The following NEDD4L variants were observed in gnomAD, a reference collection of about 807,000 sequenced individuals.
NEDD4L encodes the protein NEDD4 like E3 ubiquitin protein ligase.
Under a neutral mutation model 148.9 loss-of-function variants are expected in NEDD4L, and 54 were observed. That is an observed-to-expected ratio of 0.36 (90% confidence interval 0.29 to 0.45). The LOEUF (loss-of-function observed/expected upper bound fraction) is 0.45. NEDD4L is among the 20% of genes least tolerant of loss of function. The pLI, the probability that NEDD4L is intolerant of heterozygous loss-of-function variation, is 1.00. For synonymous variants in NEDD4L, 433 were observed against 440.7 expected (o/e 0.98, Z 0.22); for missense variants, 856 against 1,233.8 (o/e 0.69, Z 4.59).
intron 2 of NEDD4L, among the ~76,000 whole-genome samples, chr18:58,188,091 C>G (rs942767725): frequency 7.9e-5 from 12 of 152,166 alleles, no homozygotes; most frequent in African/African-American, 2.9e-4. Context: ...AGCAAAGAGT[C>G]CTTCCAAGGG....
At chr18:58,152,798 G>A (rs2034945764) in intron 1 of NEDD4L, among the ~76,000 whole-genome samples, 1 of 152,150 alleles carries the variant, frequency 6.6e-6, no homozygotes, top group Non-Finnish European at 1.5e-5. Context: ...CCAAAAAATT[G>A]GTACTCTGGG....
chr18:58,286,595 G>A (rs1245794969), intron 5 of NEDD4L, among the ~76,000 whole-genome samples: 1 of 152,134 alleles, frequency 6.6e-6, no homozygotes, highest in African/African-American at 2.4e-5. Flanking sequence ...GCCCTTACCA[G>A]TAAAAAAACT....
At chr18:58,093,928 T>C (rs934283766) in intron 1 of NEDD4L, among the ~76,000 whole-genome samples, 1 of 152,136 alleles carries the variant, frequency 6.6e-6, no homozygotes, top group East Asian at 1.9e-4. Context: ...AGACATGCAG[T>C]CCCAGCTCCA....
At chr18:58,136,258 A>G (rs1328941423) in intron 1 of NEDD4L, among the ~76,000 whole-genome samples, 1 of 152,214 alleles carries the variant, frequency 6.6e-6, no homozygotes, top group Non-Finnish European at 1.5e-5. Flanking sequence ...TGAGCCGAGA[A>G]AGTGGAGTTT....
chr18:58,322,535 TAGG>T, intron 7 of NEDD4L, 49 bp downstream of exon 7: 4 of 1,243,526 alleles, frequency 3.2e-6, no homozygotes, highest in East Asian at 2.6e-5. Context: ...CTGCATGCTG[TAGG>T]TATAGGTGGG....
chr18:58,166,636 C>T (rs1195407978), intron 2 of NEDD4L, among the ~76,000 whole-genome samples: 2 of 152,204 alleles, frequency 1.3e-5, no homozygotes, highest in African/African-American at 2.4e-5. Context: ...TTAAACTACC[C>T]GTGCAGGTCA....
chr18:58,255,314 TTA>T, intron 5 of NEDD4L: 4 of 184,976 alleles, frequency 2.2e-5, no homozygotes, highest in Non-Finnish European at 3.8e-5. Context: ...CTCTTGCTGT[TTA>T]AAAAAAAAAA....
intron 1 of NEDD4L, among the ~76,000 whole-genome samples, chr18:58,090,028 C>T (rs987930000): frequency 3.3e-5 from 5 of 151,942 alleles, no homozygotes; most frequent in East Asian, 1.9e-4. Context: ...TTAGTAGAGA[C>T]GGGGTTTCAC....
intron 25 of NEDD4L, among the ~76,000 whole-genome samples, chr18:58,384,257 G>C (rs1374695925): frequency 6.6e-6 from 1 of 152,228 alleles, no homozygotes; most frequent in Non-Finnish European, 1.5e-5. Flanking sequence ...AACGGAGCGT[G>C]TTAGAGTCTC....
intron 24 of NEDD4L, among the ~76,000 whole-genome samples, chr18:58,376,577 G>A (rs4940387): frequency 0.31 from 46,607 of 152,020 alleles, 7,748 homozygotes; most frequent in African/African-American, 0.43. Context: ...TCTCATTTCT[G>A]TGCATTCTGC....
intron 6 of NEDD4L, among the ~76,000 whole-genome samples, chr18:58,321,545 G>A (rs1180660772): frequency 6.6e-6 from 1 of 152,206 alleles, no homozygotes; most frequent in African/African-American, 2.4e-5. Flanking sequence ...TATTATGAGA[G>A]GAGTAGGAAC....
chr18:58,112,762 T>A (rs1056770227), intron 1 of NEDD4L, among the ~76,000 whole-genome samples: 16 of 152,218 alleles, frequency 1.1e-4, no homozygotes, highest in Non-Finnish European at 1.8e-4. Flanking sequence ...AGTGCTGGGA[T>A]TACAGGCATG....
chr18:58,165,179 T>C (rs77988152), intron 1 of NEDD4L, among the ~76,000 whole-genome samples: 2,301 of 152,292 alleles, frequency 0.015, 52 homozygotes, highest in African/African-American at 0.05. Context: ...TTAGGAAATA[T>C]TGGAATGAAT....
chr18:58,335,482 G>A lies in NEDD4L; in HGVS notation c.1070G>A (p.Ser357Asn). 1 of 1,613,618 alleles carries A rather than the reference G, an allele frequency of 6.2e-7. No individual in the cohort carries two copies. The highest frequency in any genetic ancestry group is 1.1e-5 in the South Asian group (1 of 91,086). Residue 357 changes from serine (S) to asparagine (N), a missense_variant, in exon 13 of 31, where the codon AGT becomes AAT. Coordinates refer to ENST00000400345, the MANE Select transcript of NEDD4L (RefSeq NM_001144967.3). ...VAEQGHLPPP[S>N]APAGRARSST... ...GATGTAAATTATCATTCACAGCCCA[G>A]TGCCCCAGCTGGGAGAGCGCGTTCA...
chr18:58,234,170 CTCTT>C (rs1439452136), intron 2 of NEDD4L, among the ~76,000 whole-genome samples: 42 of 145,288 alleles, frequency 2.9e-4, no homozygotes, highest in African/African-American at 5.4e-4. Flanking sequence ...CTTTTTCTCT[CTCTT>C]TCTTTCTTTC....
intron 1 of NEDD4L, among the ~76,000 whole-genome samples, chr18:58,134,791 T>C (rs1458882017): frequency 6.6e-6 from 1 of 151,690 alleles, no homozygotes; most frequent in Non-Finnish European, 1.5e-5. Flanking sequence ...TTTTTTGATA[T>C]TCAGGGAACC....
At position 58,389,155 on chromosome 18, in the gene NEDD4L, A is replaced by G. The variant is rs2049445758; in HGVS notation, c.2618A>G (p.Tyr873Cys). The part of the protein sequence containing the change: ...WRQHSIYKNG[Y>C]CPNHPVIQWF... ...CAGCATTCTATTTACAAGAACGGCT[A>G]CTGCCCAAACCACCCCGTCATTCAG... Residue 873 changes from tyrosine to cysteine, a missense_variant, in exon 28 of 31, where the codon TAC becomes TGC. Tyr to Cys is a radical substitution (Grantham distance 194). Transcript: ENST00000400345. The G allele has an allele frequency of 6.2e-7, 1 of 1,613,994 alleles. No individual in the cohort carries two copies. Among genetic ancestry groups the G allele is most frequent in the Non-Finnish European group, 8.5e-7 (1 of 1,179,862 alleles).
At chr18:58,227,852 C>T in intron 2 of NEDD4L, 2 of 966,682 alleles carry the variant, frequency 2.1e-6, no homozygotes, top group Non-Finnish European at 2.5e-6. Context: ...TGCTGTTGAA[C>T]TTTTTTTTGG....
chr18:58,139,727 A>T (rs2033276828), intron 1 of NEDD4L, among the ~76,000 whole-genome samples: 1 of 152,210 alleles, frequency 6.6e-6, no homozygotes, highest in Non-Finnish European at 1.5e-5. Flanking sequence ...GCTGTGCCTG[A>T]GGAGCCTGAC....
Sources: gnomAD v4.1 joint callset for allele counts (sites outside exome capture counted in the v4.1 genomes callset) on GRCh38, gnomAD v4.1.1 for gene constraint, MANE v1.5 for transcripts, NCBI Gene and HGNC (gene_info 2026-07-23, HGNC 2026-07-21) for gene names.